Variants in LRRC4C observed in about 807,000 individuals in gnomAD.
LRRC4C encodes leucine rich repeat containing 4C.
A neutral mutation model predicts 33.6 loss-of-function variants in LRRC4C; 5 were observed. The observed-to-expected ratio is 0.15, with a 90% CI of 0.08 to 0.31. LRRC4C has a LOEUF of 0.31. Among genes scored for constraint, LRRC4C ranks in the 10% least tolerant of loss-of-function variants. The pLI, the probability that LRRC4C is intolerant of heterozygous loss-of-function variation, is 1.00. For synonymous variants in LRRC4C, 329 were observed against 302.0 expected (o/e 1.09, Z -0.93); for missense variants, 560 against 796.7 (o/e 0.70, Z 3.58).
chr11:41,010,246 C>T (rs1855075184), intron 1 of LRRC4C, among the ~76,000 whole-genome samples: 1 of 152,152 alleles, frequency 6.6e-6, no homozygotes, highest in Non-Finnish European at 1.5e-5. Context: ...GAAATTAACA[C>T]AATTCCAATA....
intron 2 of LRRC4C, among the ~76,000 whole-genome samples, chr11:40,760,692 C>T (rs1472651608): frequency 1.3e-5 from 2 of 150,320 alleles, no homozygotes; most frequent in Non-Finnish European, 3.0e-5. Flanking sequence ...CTCACTGCAA[C>T]CTCTGCTTCT....
chr11:40,810,240 T>C (rs945405978), intron 2 of LRRC4C, among the ~76,000 whole-genome samples: 13 of 152,190 alleles, frequency 8.5e-5, no homozygotes, highest in Admixed American at 3.3e-4. Context: ...TTGAGACACA[T>C]GAATACTTGC....
chr11:40,175,685 T>C (rs1860420101), intron 5 of LRRC4C, among the ~76,000 whole-genome samples: 1 of 152,164 alleles, frequency 6.6e-6, no homozygotes, highest in Non-Finnish European at 1.5e-5. Flanking sequence ...GGAAATTAAA[T>C]AATTCCAAAG....
intron 1 of LRRC4C, among the ~76,000 whole-genome samples, chr11:41,261,670 C>T (rs1591092723): frequency 6.6e-6 from 1 of 152,128 alleles, no homozygotes; most frequent in Non-Finnish European, 1.5e-5. Context: ...CTATGGGCTT[C>T]ATTCCTCGAA....
At chr11:41,076,711 A>G (rs1167804562) in intron 1 of LRRC4C, among the ~76,000 whole-genome samples, 1 of 152,054 alleles carries the variant, frequency 6.6e-6, no homozygotes, top group Non-Finnish European at 1.5e-5. Flanking sequence ...CCCCTCTCAA[A>G]TCTCACGTCC....
At chr11:41,088,092 T>C (rs1186957019) in intron 1 of LRRC4C, among the ~76,000 whole-genome samples, 3 of 152,062 alleles carry the variant, frequency 2.0e-5, no homozygotes, top group Non-Finnish European at 2.9e-5. Context: ...GCAGACAAAA[T>C]AGACCATCTA....
intron 2 of LRRC4C, among the ~76,000 whole-genome samples, chr11:40,889,715 A>G (rs979576842): frequency 6.6e-6 from 1 of 152,080 alleles, no homozygotes; most frequent in Non-Finnish European, 1.5e-5. Flanking sequence ...CAGTAGCAAC[A>G]CTGTGCTATT....
At chr11:40,215,111 T>C (rs1228032112) in intron 5 of LRRC4C, among the ~76,000 whole-genome samples, 1 of 152,172 alleles carries the variant, frequency 6.6e-6, no homozygotes, top group African/African-American at 2.4e-5. Flanking sequence ...ATGATATTAC[T>C]ATTATTCCTG....
At chr11:40,618,255 C>A (rs997545800) in intron 3 of LRRC4C, among the ~76,000 whole-genome samples, 1 of 120,618 alleles carries the variant, frequency 8.3e-6, no homozygotes, top group Non-Finnish European at 2.0e-5. Flanking sequence ...AGAGGACACA[C>A]AACAGCACCC....
intron 3 of LRRC4C, among the ~76,000 whole-genome samples, chr11:40,441,900 C>A (rs1027654168): frequency 2.0e-5 from 3 of 152,126 alleles, no homozygotes; most frequent in Admixed American, 6.6e-5. Context: ...CCGTGGCTCA[C>A]GCCTGTAATC....
chr11:41,044,063 A>G (rs532351755), intron 1 of LRRC4C, among the ~76,000 whole-genome samples: 1 of 152,270 alleles, frequency 6.6e-6, no homozygotes. Context: ...GAATTTTGAT[A>G]ATCTTCAAAC....
rs561452747 is a variant in LRRC4C at position 40,787,753 on chromosome 11, C to T, written c.-406-139475G>A. On this transcript the variant is annotated intron_variant, in intron 2 of 6. Transcript: ENST00000528697. ...CTTAAACTACAATTACAAACAAACC[C>T]GGCAACAGGGATTGGAGCTAGCTGA... Among the ~76,000 whole-genome samples, 9 of 152,194 alleles carry T rather than the reference C, an allele frequency of 5.9e-5. No homozygotes were observed. In the South Asian group the frequency reaches 1.0e-3, roughly 18 times the overall value.
intron 1 of LRRC4C, among the ~76,000 whole-genome samples, chr11:41,413,053 T>G (rs1223285493): frequency 2.6e-5 from 4 of 152,158 alleles, no homozygotes; most frequent in Non-Finnish European, 5.9e-5. Context: ...CTTTTCTTCT[T>G]TTTTTTCTTT....
At chr11:41,125,589 T>A (rs1942697399) in intron 1 of LRRC4C, among the ~76,000 whole-genome samples, 1 of 152,224 alleles carries the variant, frequency 6.6e-6, no homozygotes, top group African/African-American at 2.4e-5. Flanking sequence ...TTTTGCAATG[T>A]CGCTCATCAA....
chr11:40,825,558 AAAT>A, intron 2 of LRRC4C, among the ~76,000 whole-genome samples: 1 of 152,006 alleles, frequency 6.6e-6, no homozygotes, highest in Non-Finnish European at 1.5e-5. Flanking sequence ...AAGTCACTTT[AAAT>A]AATTAAGTGC....
intron 3 of LRRC4C, among the ~76,000 whole-genome samples, chr11:40,496,276 T>C (rs1954453033): frequency 6.6e-6 from 1 of 152,178 alleles, no homozygotes; most frequent in South Asian, 2.1e-4. Flanking sequence ...ATTAGTTGTC[T>C]TTCATTTGAT....
At chr11:40,419,937 A>G (rs971805839) in intron 3 of LRRC4C, among the ~76,000 whole-genome samples, 1 of 152,106 alleles carries the variant, frequency 6.6e-6, no homozygotes, top group Non-Finnish European at 1.5e-5. Context: ...TGATGAATCT[A>G]CTCTTTGGGG....
intron 2 of LRRC4C, among the ~76,000 whole-genome samples, chr11:40,888,298 A>G (rs1426732694): frequency 6.6e-6 from 1 of 151,880 alleles, no homozygotes; most frequent in Non-Finnish European, 1.5e-5. Context: ...TTTTAGGTAA[A>G]GTTGTATGGG....
At chr11:40,311,878 G>A (rs1190044422) in intron 4 of LRRC4C, among the ~76,000 whole-genome samples, 1 of 145,030 alleles carries the variant, frequency 6.9e-6, no homozygotes, top group Non-Finnish European at 1.5e-5. Flanking sequence ...CTGGGTGGCG[G>A]AAGTTGCAGT....
Sources: gnomAD v4.1 joint callset for allele counts (sites outside exome capture counted in the v4.1 genomes callset) on GRCh38, gnomAD v4.1.1 for gene constraint, MANE v1.5 for transcripts, NCBI Gene and HGNC (gene_info 2026-07-23, HGNC 2026-07-21) for gene names.